Variants in AP3D1 observed in about 807,000 individuals in gnomAD.
AP3D1 encodes AP-3 complex subunit delta-1.
Under a neutral mutation model 147.6 loss-of-function variants are expected in AP3D1, and 51 were observed. That is an observed-to-expected ratio of 0.35 (90% CI 0.28 to 0.44). The LOEUF (loss-of-function observed/expected upper bound fraction) is 0.44, where lower values mean the gene tolerates loss of function less well. AP3D1 is among the 20% of genes least tolerant of loss of function. The pLI is 1.00. For missense variants in AP3D1, 1,421 were observed against 1,624.2 expected, an observed-to-expected ratio of 0.87 and a Z score of 2.15; for synonymous variants, 760 against 663.0, an observed-to-expected ratio of 1.15 and a Z score of -2.25.
At chr19:2,144,858 G>A (rs1027715970) in intron 1 of AP3D1, among the ~76,000 whole-genome samples, 1 of 152,042 alleles carries the variant, frequency 6.6e-6, no homozygotes, top group Non-Finnish European at 1.5e-5. Flanking sequence ...AGCCAAGATC[G>A]CACCACTGCA....
At chr19:2,112,660 C>T (rs950829534) in intron 24 of AP3D1, 200 bp downstream of exon 24, 3 of 550,446 alleles carry the variant, frequency 5.5e-6, no homozygotes, top group Admixed American at 3.6e-5. Flanking sequence ...CTCTATGAGA[C>T]TTATGAACCA....
At chr19:2,135,985 G>C (rs1212538143) in intron 4 of AP3D1, among the ~76,000 whole-genome samples, 1 of 151,192 alleles carries the variant, frequency 6.6e-6, no homozygotes, top group Non-Finnish European at 1.5e-5. Context: ...GACCCAAGGA[G>C]ACTCCCGCCC....
At chr19:2,109,381 T>A in intron 29 of AP3D1, 174 bp from the exon 30 acceptor site, 1 of 824,370 alleles carries the variant, frequency 1.2e-6, no homozygotes, top group Non-Finnish European at 1.8e-6. Context: ...GCGGAAGCCG[T>A]CACACCCAGA....
chr19:2,158,010 C>T (rs1421090286), intron 1 of AP3D1, among the ~76,000 whole-genome samples: 2 of 152,054 alleles, frequency 1.3e-5, no homozygotes, highest in African/African-American at 4.8e-5. Context: ...CTATGTTGTA[C>T]CCCACATGTG....
chr19:2,127,717 GGGTTT>G (rs1225200474), intron 8 of AP3D1, among the ~76,000 whole-genome samples: 7 of 152,180 alleles, frequency 4.6e-5, no homozygotes, highest in Non-Finnish European at 1.0e-4. Context: ...GGTAGAGACG[GGGTTT>G]CACCATGTTG....
At chr19:2,140,480 C>CT (rs34572080) in intron 1 of AP3D1, among the ~76,000 whole-genome samples, 72,668 of 147,422 alleles carry the variant, frequency 0.49, 17,733 homozygotes, top group Non-Finnish European at 0.51. Flanking sequence ...ACTTGCTTGA[C>CT]TTTTTTTTTT....
intron 5 of AP3D1, among the ~76,000 whole-genome samples, chr19:2,131,294 C>T (rs72486339): frequency 0.04 from 6,155 of 152,186 alleles, 159 homozygotes; most frequent in East Asian, 0.1. Context: ...CACATGGGGA[C>T]GGCGCCCATC....
intron 16 of AP3D1, 119 bp from the exon 17 acceptor site, chr19:2,116,865 G>T: frequency 7.6e-7 from 1 of 1,322,558 alleles, no homozygotes; most frequent in Non-Finnish European, 1.0e-6. Context: ...AGTGGGGCCT[G>T]CCACCCACAC....
chr19:2,139,059 C>CAAAA (rs60728832), intron 1 of AP3D1, among the ~76,000 whole-genome samples: 1 of 61,654 alleles, frequency 1.6e-5, no homozygotes, highest in African/African-American at 5.8e-5. Context: ...GACTCCGTCT[C>CAAAA]AAAAAAAAAA....
chr19:2,133,744 C>T (rs1403286233), intron 4 of AP3D1, among the ~76,000 whole-genome samples: 3 of 151,472 alleles, frequency 2.0e-5, no homozygotes, highest in African/African-American at 2.4e-5. Context: ...TCTCATGATC[C>T]GCCCGCCATG....
chr19:2,113,468 G>A lies in AP3D1; in HGVS notation c.2602-55C>T, dbSNP rs146083008. The A allele has an allele frequency of 0.024, 27,269 of 1,114,174 alleles. 388 individuals carry two copies. The highest frequency in any genetic ancestry group is 0.026 in the East Asian group (858 of 32,680). 69.0% of individuals were successfully genotyped at this position (1,114,174 alleles called of 1,614,324 possible). On this transcript the variant is annotated intron_variant, in intron 22 of 31. Transcript: ENST00000643116. ...CGCAGTGCAATGGTCCTGGGAAGAG[G>A]GGACGGGGACAGCAGGGCCAAGGAG...
In AP3D1 at chr19:2,114,109, TG is replaced by T; in HGVS notation, c.2601+15del. The stretch of plus-strand genomic sequence containing the variant: ...AGGGGAATGGAGAAGGCCGCCGCCC[TG>T]GGCACTAGCCTTACCTTCTTCTCCT... On this transcript the variant is annotated intron_variant, in intron 22 of 31. Coordinates refer to ENST00000643116, the MANE Select transcript of AP3D1 (RefSeq NM_001261826.3). 1 of 1,552,188 alleles carries T rather than the reference TG, an allele frequency of 6.4e-7. No homozygotes were observed. Among genetic ancestry groups the T allele is most frequent in the Admixed American group, 2.0e-5 (1 of 49,792 alleles).
chr19:2,122,550 G>A (rs143883001), intron 11 of AP3D1, among the ~76,000 whole-genome samples: 18 of 152,344 alleles, frequency 1.2e-4, no homozygotes, highest in African/African-American at 3.8e-4. Context: ...TGAGACCCGC[G>A]TGTGGGTGTT....
At position 2,118,597 on chromosome 19, in the gene AP3D1, T is replaced by A. The variant is rs775303044; in HGVS notation, c.1713+4A>T. On this transcript the variant is annotated splice_donor_region_variant and intron_variant, in intron 15 of 31. Coordinates refer to ENST00000643116, the MANE Select transcript of AP3D1 (RefSeq NM_001261826.3). The stretch of plus-strand genomic sequence containing the variant: ...TCGGCCCAACACGGAGTGTTGGATC[T>A]TACCCGCTCCTGCACCTCCAGGTCT... 6.2e-7 allele frequency: 1 copy of A among 1,605,960 alleles called. No homozygotes were observed. The highest frequency in any genetic ancestry group is 2.2e-5 in the East Asian group (1 of 44,802).
At chr19:2,133,591 A>G (rs1239815706) in intron 4 of AP3D1, 1 of 151,092 alleles carries the variant, frequency 6.6e-6, no homozygotes, top group Non-Finnish European at 1.5e-5. Flanking sequence ...TGCAACCTCC[A>G]CCTCCCAAGT....
At chr19:2,149,642 A>C (rs1488808402) in intron 1 of AP3D1, among the ~76,000 whole-genome samples, 1 of 152,136 alleles carries the variant, frequency 6.6e-6, no homozygotes, top group Non-Finnish European at 1.5e-5. Context: ...CAAAGGAAGA[A>C]AACCAGGCTC....
rs760842123 is a variant in AP3D1, at chr19:2,115,283, G to A, written c.2285C>T (p.Thr762Met). Residue 762 changes from threonine to methionine, a missense_variant, in exon 20 of 32, where the codon ACG (threonine) becomes ATG (methionine). Coordinates refer to ENST00000643116, the MANE Select transcript of AP3D1 (RefSeq NM_001261826.3). ...KGKRRHSSLP[T>M]ESDEDIAPAQ... ...AGGGGCGATGTCCTCGTCGCTCTCC[G>A]TGGGCAGCGAGCTGTGGCGGCGCTT... The A allele has an allele frequency of 4.0e-5, 65 of 1,613,260 alleles. 1 individual carries two copies. The highest frequency in any genetic ancestry group is 1.6e-4 in the Middle Eastern group (1 of 6,084).
rs1163109998 is a variant in AP3D1, at chr19:2,132,539, G to C, written c.394C>G (p.Leu132Val). Reference protein sequence around the residue: ...SPSQYDTGVALTGLSCFVTPD... With the variant: ...SPSQYDTGVAVTGLSCFVTPD... ...GTGACGAAGCAGGACAGACCCGTCA[G>C]TGCAACACCTGTGTCGTACTGGCTG... The change falls in exon 5 of 32, where the codon CTG becomes GTG. Residue 132 changes from leucine to valine, a missense_variant. This residue lies in a region of AP3D1 where 292 missense variants were observed against 412.0 expected (regional missense o/e 0.71). Transcript: ENST00000643116. 6.2e-6 allele frequency: 10 copies of C among 1,611,344 alleles called. No individual in the cohort carries two copies. The highest frequency in any genetic ancestry group is 7.6e-6 in the Non-Finnish European group (9 of 1,177,736).
At chr19:2,107,949 C>T (rs1442960535) in intron 31 of AP3D1, among the ~76,000 whole-genome samples, 1 of 152,136 alleles carries the variant, frequency 6.6e-6, no homozygotes, top group Non-Finnish European at 1.5e-5. Flanking sequence ...CCAAACTCAC[C>T]CAACGTGAAC....
Sources: gnomAD v4.1 joint callset for allele counts (sites outside exome capture counted in the v4.1 genomes callset) on GRCh38, gnomAD v4.1.1 for gene constraint, gnomAD v4.1.1 regional missense constraint, MANE v1.5 for transcripts, NCBI Gene and HGNC (gene_info 2026-07-23, HGNC 2026-07-21) for gene names.